Variants in LGALS8 observed in about 807,000 individuals in gnomAD.
The protein encoded by LGALS8 is galectin 8.
In LGALS8, 30 loss-of-function variants were observed where a neutral mutation model predicts 35.9. That is an observed-to-expected ratio of 0.83 (90% CI 0.62 to 1.13). The LOEUF (loss-of-function observed/expected upper bound fraction) is 1.13, where lower values mean the gene tolerates loss of function less well. Among genes scored for constraint, LGALS8 ranks in the 50% most tolerant of loss-of-function variants. The pLI is 0.00. For missense variants in LGALS8, 366 were observed against 388.7 expected (o/e 0.94, Z 0.49); for synonymous variants, 138 against 136.1 (o/e 1.01, Z -0.10).
In LGALS8 at chr1:236,537,470, G is replaced by A. The variant is rs74151923; in HGVS notation, c.46-27G>A. The A allele has an allele frequency of 1.1e-3, 1,571 of 1,403,942 alleles. 11 individuals are homozygous for A. The highest frequency in any genetic ancestry group is 8.7e-3 in the Middle Eastern group (50 of 5,758). 87.0% of individuals were successfully genotyped at this position (1,403,942 alleles called of 1,614,324 possible). On this transcript the variant is annotated intron_variant, in intron 2 of 9. Transcript: ENST00000366584. ...AGTAAGTAATTTTGTTTATGTAAAC[G>A]TACATTTGTTAAATTTTTTTTCTTA...
At position 236,540,654 on chromosome 1, in the gene LGALS8, A is replaced by AT; in HGVS notation, c.438dup (p.His147SerfsTer6). 6.2e-7 allele frequency: 1 copy of AT among 1,611,652 alleles called. No individual in the cohort carries two copies. The highest frequency in any genetic ancestry group is 8.5e-7 in the Non-Finnish European group (1 of 1,179,066). ...TCTGGGCATTTATGGCAAAGTGAAT[A>AT]TTCACTCAATTGGTTTTAGCTTCAG... On this transcript the variant is annotated frameshift_variant, in exon 5 of 10. Coordinates refer to ENST00000366584, the MANE Select transcript of LGALS8 (RefSeq NM_201544.4). LOFTEE classifies it high-confidence loss of function.
At chr1:236,545,024 A>G (rs1389253596) in intron 9 of LGALS8, 109 bp downstream of exon 9, 5 of 814,280 alleles carry the variant, frequency 6.1e-6, no homozygotes, top group Admixed American at 2.8e-5. Flanking sequence ...GAAGTTGTGT[A>G]TGTTTTTTGT....
chr1:236,546,237 G>T (rs1662354603), intron 9 of LGALS8, among the ~76,000 whole-genome samples: 1 of 152,188 alleles, frequency 6.6e-6, no homozygotes, highest in Admixed American at 6.5e-5. Context: ...ATGAATAGAT[G>T]AATGTTATAT....
chr1:236,537,923 C>A (rs1331745406), intron 3 of LGALS8, among the ~76,000 whole-genome samples: 1 of 27,390 alleles, frequency 3.7e-5, no homozygotes, highest in Admixed American at 3.1e-4. Flanking sequence ...CATAGTGAGA[C>A]CCCCCATCTG....
At position 236,524,019 on chromosome 1, in the gene LGALS8, C is replaced by G. The variant is rs1660654611; in HGVS notation, c.-146C>G. The G allele has an allele frequency of 2.3e-6, 1 of 427,258 alleles. No individual in the cohort carries two copies. Among genetic ancestry groups the G allele is most frequent in the Non-Finnish European group, 4.7e-6 (1 of 211,586 alleles). The allele number at this position is 427,258 out of a possible 1,614,324, so 26.5% of individuals were successfully genotyped here. ...AACCCTGACGGCACTTAGCTGCTGA[C>G]AAACAACCTGCTCCGTGGAGCGCCT... On this transcript the variant is annotated 5_prime_UTR_variant, in exon 1 of 10. Coordinates refer to ENST00000366584, the MANE Select transcript of LGALS8 (RefSeq NM_201544.4).
chr1:236,547,450 G>A (rs921315180), intron 9 of LGALS8, among the ~76,000 whole-genome samples: 1 of 152,216 alleles, frequency 6.6e-6, no homozygotes, highest in East Asian at 1.9e-4. Flanking sequence ...AGCTTATCAG[G>A]ATCAGGATCA....
chr1:236,545,213 CA>C (rs1228632631), intron 9 of LGALS8: 2 of 214,258 alleles, frequency 9.3e-6, no homozygotes, highest in African/African-American at 4.6e-5. Context: ...ACTGGAGTCA[CA>C]CATTTAATCA....
At chr1:236,540,188 A>C in intron 4 of LGALS8, 1 of 186,254 alleles carries the variant, frequency 5.4e-6, no homozygotes, top group East Asian at 1.4e-4. Context: ...TGTTGTGGGG[A>C]GCTCGCAGGC....
chr1:236,526,318 C>G lies in LGALS8; in HGVS notation c.45+203C>G. The G allele has an allele frequency of 2.3e-6, 1 of 431,658 alleles. No homozygotes were observed. Among genetic ancestry groups the G allele is most frequent in the Non-Finnish European group, 4.1e-6 (1 of 241,150 alleles). The allele number at this position is 431,658 out of a possible 1,614,324, so 26.7% of individuals were successfully genotyped here. ...GGAAGAAGTCACAATGATAATATGA[C>G]GTGATGAAACAGTGTTATGAACAGG... is the stretch of plus-strand genomic sequence containing the variant. On this transcript the variant is annotated intron_variant, in intron 2 of 9. Transcript: ENST00000366584. The surrounding 1 kb of genome is among the most constrained non-coding windows in gnomAD (Gnocchi z 4.6).
At position 236,543,592 on chromosome 1, in the gene LGALS8, C is replaced by T. The variant is rs199909911; in HGVS notation, c.582C>T (p.Pro194=). Residue 194 remains proline, a synonymous_variant, in exon 8 of 10, where the codon CCC becomes CCT. Coordinates refer to ENST00000366584, the MANE Select transcript of LGALS8 (RefSeq NM_201544.4). ...CATTCGCTGCAAGGTTGAACACCCC[C>T]ATGGGCCCTGGACGAACTGTCGTCG... ...RLPFAARLNT[P]MGPGRTVVVK... is the part of the protein sequence containing the mutation. 29 of 1,614,128 alleles carry T rather than the reference C, an allele frequency of 1.8e-5. No individual in the cohort carries two copies. The African/African-American group carries it at 3.5e-4, about 19-fold the overall frequency.
At chr1:236,521,854 A>C (rs1660559978), upstream of LGALS8, among the ~76,000 whole-genome samples, 1 of 150,688 alleles carries the variant, frequency 6.6e-6, no homozygotes, top group African/African-American at 2.4e-5. Flanking sequence ...AGTAGGTTTT[A>C]GTAAGGGATT....
chr1:236,528,546 A>ATTTTTTTTTTTTTTTTT (rs61261486), intron 2 of LGALS8, among the ~76,000 whole-genome samples: 4 of 104,240 alleles, frequency 3.8e-5, no homozygotes, highest in African/African-American at 7.4e-5. Context: ...AATGTTTCCA[A>ATTTTTTTTTTTTTTTTT]TTTTTTTTTT....
At chr1:236,527,871 G>T (rs970344469) in intron 2 of LGALS8, among the ~76,000 whole-genome samples, 74 of 152,090 alleles carry the variant, frequency 4.9e-4, no homozygotes, top group African/African-American at 1.7e-3. Context: ...GAGTAGCTGG[G>T]ACTGCAGGCA....
At chr1:236,527,265 G>A (rs1020143071) in intron 2 of LGALS8, among the ~76,000 whole-genome samples, 4 of 152,126 alleles carry the variant, frequency 2.6e-5, no homozygotes, top group Non-Finnish European at 4.4e-5. Flanking sequence ...GGTAAAATTC[G>A]TGCATATCTT....
upstream of LGALS8, among the ~76,000 whole-genome samples, chr1:236,522,181 A>C (rs1443527413): frequency 6.6e-6 from 1 of 152,194 alleles, no homozygotes; most frequent in South Asian, 2.1e-4. Context: ...TTTAATCCAG[A>C]TTTTCTTTGT....
rs1425642336 is a variant in LGALS8, at chr1:236,523,990, C to A, written c.-175C>A. On this transcript the variant is annotated 5_prime_UTR_variant, in exon 1 of 10. Transcript: ENST00000366584. ...CGTAGCCGCCCACGGACGCCAGAGC[C>A]GGGAACCCTGACGGCACTTAGCTGC... 6 of 392,608 alleles carry A rather than the reference C, an allele frequency of 1.5e-5. No individual in the cohort carries two copies. The highest frequency in any genetic ancestry group is 3.1e-5 in the Non-Finnish European group (6 of 195,114). The allele number at this position is 392,608 out of a possible 1,614,324, so 24.3% of individuals were successfully genotyped here.
At position 236,537,660 on chromosome 1, in the gene LGALS8, G is replaced by C. The variant is rs1208747792; in HGVS notation, c.134+75G>C. On this transcript the variant is annotated intron_variant, in intron 3 of 9. Transcript: ENST00000366584. ...GATTGTGGAATGATAACAGAGTAAGGCGGGAGAGACCATTTGATACTTTGA... is the reference window on the plus strand; with the variant it reads ...GATTGTGGAATGATAACAGAGTAAGCCGGGAGAGACCATTTGATACTTTGA... 7.4e-6 allele frequency: 8 copies of C among 1,086,738 alleles called. No individual in the cohort carries two copies. The African/African-American group carries it at 9.1e-5, about 12-fold the overall frequency. The allele number at this position is 1,086,738 out of a possible 1,614,324, so 67.3% of individuals were successfully genotyped here.
In LGALS8 at chr1:236,539,575, G is replaced by A. The variant is rs78938101; in HGVS notation, c.345+486G>A. ...TCAGTTCCATCTCTGGCTTCATGGAGTGTCTTGTACCTAGCGTGTATGTGT... is the reference window on the plus strand; with the variant it reads ...TCAGTTCCATCTCTGGCTTCATGGAATGTCTTGTACCTAGCGTGTATGTGT... On this transcript the variant is annotated intron_variant, in intron 4 of 9. Transcript: ENST00000366584. Among the ~76,000 whole-genome samples, 483 of 152,012 alleles carry A rather than the reference G, an allele frequency of 3.2e-3. 1 individual carries two copies. Among genetic ancestry groups the A allele is most frequent in the Admixed American group, 4.6e-3 (71 of 15,276 alleles).
chr1:236,533,116 C>A (rs1661242648), intron 2 of LGALS8, among the ~76,000 whole-genome samples: 1 of 152,194 alleles, frequency 6.6e-6, no homozygotes, highest in African/African-American at 2.4e-5. Context: ...ACTCTAAAAT[C>A]TGACCCTGGC....
Sources: gnomAD v4.1 joint callset for allele counts (sites outside exome capture counted in the v4.1 genomes callset) on GRCh38, gnomAD v4.1.1 for gene constraint, Gnocchi (gnomAD v3.1) non-coding constraint, MANE v1.5 for transcripts, NCBI Gene and HGNC (gene_info 2026-07-23, HGNC 2026-07-21) for gene names.